AMOT: variants seen among roughly 807,000 people sequenced by gnomAD.
AMOT encodes angiomotin.
In AMOT, 11 loss-of-function variants were observed where a neutral mutation model predicts 67.0. The ratio of observed to expected loss-of-function variants is 0.16; its 90% CI spans 0.10 to 0.27. The LOEUF is 0.27. AMOT is among the 10% of genes least tolerant of loss of function. The pLI is 1.00. For synonymous variants in AMOT, 326 were observed against 321.4 expected (o/e 1.01, Z -0.15); for missense variants, 753 against 852.0 (o/e 0.88, Z 1.45).
At chrX:112,820,567 C>T (rs1370276475) in intron 4 of AMOT, among the ~76,000 whole-genome samples, 1 of 111,220 alleles carries the variant, frequency 9.0e-6, no homozygotes, top group East Asian at 2.8e-4. Flanking sequence ...CCTGGGAAGG[C>T]GGGCTGTGTG....
In AMOT at chrX:112,822,790, T is replaced by C; in HGVS notation, c.337A>G (p.Lys113Glu). ...NEELPTYEEA[K>E]VQSQYFRGQQ... ...CCCCGAAAGTACTGGGACTGGACCT[T>C]GGCTTCTTCATAGGTCGGGAGTTCT... Residue 113 changes from lysine (K) to glutamate (E), a missense_variant, in exon 4 of 14, where the codon AAG becomes GAG. Transcript: ENST00000371959. The C allele has an allele frequency of 8.6e-7, 1 of 1,167,322 alleles. No homozygotes were observed. The highest frequency in any genetic ancestry group is 1.1e-6 in the Non-Finnish European group (1 of 872,968).
Position 112,815,423 on chromosome X carries a change from C to T in AMOT, c.1327G>A (p.Asp443Asn), listed in dbSNP as rs143829571. Residue 443 changes from aspartate (D) to asparagine (N), a missense_variant, in exon 5 of 14, where the codon GAC (aspartate) becomes AAC (asparagine). Asp to Asn is a conservative substitution (Grantham distance 23). Around this residue, in one of 5 missense-constraint regions of AMOT, gnomAD observed 297 missense variants for 284.3 expected, o/e 1.04. Coordinates refer to ENST00000371959, the MANE Select transcript of AMOT (RefSeq NM_001113490.2). ...TCTTGCCTCAAGTTCCGGTTCTCGT[C>T]TGAGAGGATCTCAACCATCTGCTGG... ...RAQQMVEILSDENRNLRQELE... is the reference protein window; with the variant it reads ...RAQQMVEILSNENRNLRQELE... 54 of 1,210,276 alleles carry T rather than the reference C, an allele frequency of 4.5e-5. No homozygotes were observed. The Middle Eastern group carries it at 1.4e-3, about 31-fold the overall frequency.
intron 2 of AMOT, among the ~76,000 whole-genome samples, chrX:112,831,496 G>A (rs986356848): frequency 9.8e-6 from 1 of 101,562 alleles, no homozygotes. Context: ...AATAAAAAGA[G>A]AGCCCAGTAC....
At chrX:112,783,587 A>C (rs1933270633) in intron 10 of AMOT, among the ~76,000 whole-genome samples, 1 of 111,357 alleles carries the variant, frequency 9.0e-6, no homozygotes, top group Non-Finnish European at 1.9e-5. Flanking sequence ...ACCCCAACAA[A>C]GTGACTGTTC....
At chrX:112,822,157 T>G in intron 4 of AMOT, 98 bp downstream of exon 4, 5 of 1,029,378 alleles carry the variant, frequency 4.9e-6, no homozygotes, top group Non-Finnish European at 6.3e-6. Context: ...GAGTTTGTTA[T>G]ATCAAACACC....
intron 7 of AMOT, among the ~76,000 whole-genome samples, chrX:112,809,534 C>T (rs1934289913): frequency 9.0e-6 from 1 of 111,429 alleles, no homozygotes; most frequent in East Asian, 2.8e-4. Context: ...TTAATCCCAT[C>T]TCTACCAGAG....
intron 2 of AMOT, among the ~76,000 whole-genome samples, chrX:112,825,701 C>T (rs1934825695): frequency 9.0e-6 from 1 of 110,616 alleles, no homozygotes; most frequent in Non-Finnish European, 1.9e-5. Flanking sequence ...ATTTGAGTGC[C>T]TCAAGCTCAG....
intron 7 of AMOT, among the ~76,000 whole-genome samples, chrX:112,805,758 G>C (rs1230635154): frequency 1.8e-5 from 2 of 111,583 alleles, no homozygotes; most frequent in African/African-American, 6.5e-5. Flanking sequence ...ACTAAAACTG[G>C]AAGCCATGTT....
chrX:112,786,972 A>G (rs1399087157), intron 10 of AMOT, among the ~76,000 whole-genome samples: 1 of 111,810 alleles, frequency 8.9e-6, no homozygotes, highest in Non-Finnish European at 1.9e-5. Context: ...CAGCTGACCA[A>G]TCTCACAGAG....
Position 112,815,610 on chromosome X carries a change from TTGCTGC to T in AMOT, c.1134_1139del (p.Gln383_Gln384del). ...GGTGATGATGGTGCTGCTGCTGCTGTTGCTGCTGCTGCTGACTCAGGCCAGGTTGGG... is the reference window on the plus strand; with the variant it reads ...GGTGATGATGGTGCTGCTGCTGCTGTTGCTGCTGACTCAGGCCAGGTTGGG... On this transcript the variant is annotated inframe_deletion, in exon 5 of 14. Transcript: ENST00000371959. 8.3e-7 allele frequency: 1 copy of T among 1,205,782 alleles called. No homozygotes were observed. The highest frequency in any genetic ancestry group is 1.1e-6 in the Non-Finnish European group (1 of 892,311).
chrX:112,829,554 A>C, intron 2 of AMOT, among the ~76,000 whole-genome samples: 1 of 112,077 alleles, frequency 8.9e-6, no homozygotes, highest in Non-Finnish European at 1.9e-5. Context: ...TAGCAATGCA[A>C]GGACAGCTTA....
chrX:112,775,815 G>C lies in AMOT; in HGVS notation c.*2752C>G, dbSNP rs765013865. 8.9e-6 allele frequency: 1 copy of C among 112,071 alleles called. No homozygotes were observed. The highest frequency in any genetic ancestry group is 3.2e-5 in the African/African-American group (1 of 30,796). The allele number at this position is 112,071 out of a possible 1,213,427, so 9.2% of individuals were successfully genotyped here. On this transcript the variant is annotated 3_prime_UTR_variant, in exon 14 of 14. Transcript: ENST00000371959. ...GAGATCACCAAGCAGTACAAGCTAA[G>C]ACAACCTGGTCACCCTCCTTTCCTG...
At chrX:112,791,507 C>A (rs778522076) in intron 9 of AMOT, among the ~76,000 whole-genome samples, 7 of 112,302 alleles carry the variant, frequency 6.2e-5, no homozygotes, top group Non-Finnish European at 1.1e-4. Context: ...TTTCTGAAGA[C>A]CATTTCTAGT....
At position 112,778,347 on chromosome X, in the gene AMOT, T is replaced by G. The variant is rs1475997181; in HGVS notation, c.*220A>C. 6.7e-6 allele frequency: 2 copies of G among 298,522 alleles called. No homozygotes were observed. Among genetic ancestry groups the G allele is most frequent in the Non-Finnish European group, 1.2e-5 (2 of 168,913 alleles). 24.6% of individuals were successfully genotyped at this position (298,522 alleles called of 1,213,427 possible). On this transcript the variant is annotated 3_prime_UTR_variant, in exon 14 of 14. Coordinates refer to ENST00000371959, the MANE Select transcript of AMOT (RefSeq NM_001113490.2). Reference sequence around the variant, plus strand: ...TTCAAACAATAAGCTTTAGAGCACATTCTGATTAATCTGTCTTTAGAGGTA... The same window carrying G: ...TTCAAACAATAAGCTTTAGAGCACAGTCTGATTAATCTGTCTTTAGAGGTA...
chrX:112,829,942 A>G (rs778231648), intron 2 of AMOT, among the ~76,000 whole-genome samples: 2 of 111,696 alleles, frequency 1.8e-5, no homozygotes, highest in South Asian at 7.6e-4. Context: ...TATCTCGAGA[A>G]AAGTATAAAG....
chrX:112,801,387 C>A (rs1934012233), intron 8 of AMOT, among the ~76,000 whole-genome samples: 1 of 111,446 alleles, frequency 9.0e-6, no homozygotes. Flanking sequence ...CGTTCGGCTG[C>A]TACTGCAATA....
chrX:112,790,288 G>C (rs937055635), intron 10 of AMOT, among the ~76,000 whole-genome samples: 1 of 109,514 alleles, frequency 9.1e-6, no homozygotes, highest in South Asian at 4.2e-4. Context: ...GTGGCTGAAA[G>C]AATCTGTGGC....
At chrX:112,820,990 G>A (rs903165772) in intron 4 of AMOT, among the ~76,000 whole-genome samples, 5 of 110,023 alleles carry the variant, frequency 4.5e-5, no homozygotes, top group Admixed American at 9.7e-5. Flanking sequence ...GGCAAAGTTA[G>A]AGGTGGAGTC....
intron 1 of AMOT, among the ~76,000 whole-genome samples, chrX:112,835,113 C>T (rs1935100847): frequency 8.9e-6 from 1 of 111,787 alleles, no homozygotes; most frequent in Non-Finnish European, 1.9e-5. Flanking sequence ...CACCTTTCAT[C>T]CAATGACCTC....
Sources: gnomAD v4.1 joint callset for allele counts (sites outside exome capture counted in the v4.1 genomes callset) on GRCh38, gnomAD v4.1.1 for gene constraint, gnomAD v4.1.1 regional missense constraint, MANE v1.5 for transcripts, NCBI Gene and HGNC (gene_info 2026-07-23, HGNC 2026-07-21) for gene names.